Variants in PTPRN2 observed in about 807,000 individuals in gnomAD.
The protein encoded by PTPRN2 is protein tyrosine phosphatase receptor type N2, also known as receptor-type tyrosine-protein phosphatase N2.
In PTPRN2, 74 loss-of-function variants were observed where a neutral mutation model predicts 118.8. The observed-to-expected ratio is 0.62, with a 90% CI of 0.52 to 0.76. PTPRN2 has a LOEUF of 0.76. Ranked by LOEUF, PTPRN2 falls within the 30% of genes least tolerant of loss-of-function variation. The pLI is 0.00. For missense variants in PTPRN2, 1,481 were observed against 1,394.4 expected (o/e 1.06, Z -0.99); for synonymous variants, 641 against 608.0 (o/e 1.05, Z -0.80).
chr7:158,452,386 C>CT, intron 2 of PTPRN2, among the ~76,000 whole-genome samples: 1 of 152,248 alleles, frequency 6.6e-6, no homozygotes, highest in East Asian at 1.9e-4. Flanking sequence ...GAAGCACTGT[C>CT]TCCCCTGCCC....
chr7:158,341,314 AC>A (rs1806720627), intron 2 of PTPRN2, among the ~76,000 whole-genome samples: 1 of 151,672 alleles, frequency 6.6e-6, no homozygotes, highest in Non-Finnish European at 1.5e-5. Context: ...CGTCACTCAC[AC>A]CCACACACGT....
intron 2 of PTPRN2, among the ~76,000 whole-genome samples, chr7:158,319,987 C>T (rs188581302): frequency 1.3e-4 from 4 of 30,236 alleles, no homozygotes; most frequent in African/African-American, 3.0e-4. Context: ...ACACACACAG[C>T]CTCCCTCACA....
At chr7:158,561,820 C>T (rs1354302226) in intron 1 of PTPRN2, among the ~76,000 whole-genome samples, 3 of 152,182 alleles carry the variant, frequency 2.0e-5, no homozygotes, top group African/African-American at 7.2e-5. Flanking sequence ...GGGGACCGTG[C>T]CACCCCCCAC....
At chr7:157,726,455 C>T (rs1799607183) in intron 12 of PTPRN2, among the ~76,000 whole-genome samples, 1 of 152,268 alleles carries the variant, frequency 6.6e-6, no homozygotes, top group South Asian at 2.1e-4. Context: ...GCCAGACCGT[C>T]ACCTCCCACC....
intron 17 of PTPRN2, among the ~76,000 whole-genome samples, chr7:157,589,877 C>T (rs991023724): frequency 3.3e-5 from 5 of 152,212 alleles, no homozygotes; most frequent in South Asian, 2.1e-4. Flanking sequence ...CTGACAGCGG[C>T]GGCGTGGATG....
intron 2 of PTPRN2, among the ~76,000 whole-genome samples, chr7:158,340,807 C>A (rs1251615255): frequency 1.1e-5 from 1 of 87,806 alleles, no homozygotes; most frequent in African/African-American, 4.6e-5. Context: ...GTCACTCACA[C>A]CCACACATGT....
chr7:157,950,624 G>A (rs1186776031), intron 11 of PTPRN2, among the ~76,000 whole-genome samples: 2 of 152,194 alleles, frequency 1.3e-5, no homozygotes, highest in Non-Finnish European at 2.9e-5. Context: ...TGTTATTTGT[G>A]ATTTCTGCTT....
chr7:158,184,675 G>T (rs1824992204), intron 5 of PTPRN2, among the ~76,000 whole-genome samples: 1 of 152,152 alleles, frequency 6.6e-6, no homozygotes, highest in African/African-American at 2.4e-5. Flanking sequence ...AGCCGGGCAT[G>T]GTGGTGGGTG....
intron 2 of PTPRN2, among the ~76,000 whole-genome samples, chr7:158,480,476 T>G (rs1356928146): frequency 1.3e-5 from 2 of 152,184 alleles, no homozygotes; most frequent in Non-Finnish European, 2.9e-5. Context: ...AACCCTACAG[T>G]GGCCTCTAAG....
At position 157,609,534 on chromosome 7, in the gene PTPRN2, C is replaced by G. The variant is rs1337814321; in HGVS notation, c.2345-5459G>C. On this transcript the variant is annotated intron_variant, in intron 15 of 22. Coordinates refer to ENST00000389418, the MANE Select transcript of PTPRN2 (RefSeq NM_002847.5). This position sits in a 1 kb window ranked among gnomAD's most constrained non-coding sequence, Gnocchi z 4.9. ...ACAGGGACTACTTTCCCGTTTTAGGCTGAAGAAACTAAGACTCATAAGGAT... is the reference window on the plus strand; with the variant it reads ...ACAGGGACTACTTTCCCGTTTTAGGGTGAAGAAACTAAGACTCATAAGGAT... 2.6e-5 allele frequency among the ~76,000 whole-genome samples: 4 copies of G among 152,210 alleles called. No homozygotes were observed. The highest frequency in any genetic ancestry group is 5.9e-5 in the Non-Finnish European group (4 of 68,048).
chr7:158,098,652 G>T (rs1814886050), intron 10 of PTPRN2, among the ~76,000 whole-genome samples: 1 of 152,202 alleles, frequency 6.6e-6, no homozygotes, highest in Admixed American at 6.5e-5. Context: ...GCATCTGCCA[G>T]TCCCACCATT....
chr7:158,153,198 A>G (rs774349163), intron 6 of PTPRN2, among the ~76,000 whole-genome samples: 1 of 152,150 alleles, frequency 6.6e-6, no homozygotes, highest in Admixed American at 6.5e-5. Flanking sequence ...CCAGGGGAAA[A>G]TCATCTCCCT....
intron 11 of PTPRN2, among the ~76,000 whole-genome samples, chr7:157,951,835 T>C (rs989262690): frequency 2.0e-5 from 3 of 152,168 alleles, no homozygotes; most frequent in African/African-American, 7.2e-5. Flanking sequence ...AGTCCGGCAG[T>C]GGATGCCAGT....
At chr7:157,984,172 A>T (rs1390626038) in intron 11 of PTPRN2, among the ~76,000 whole-genome samples, 1 of 152,020 alleles carries the variant, frequency 6.6e-6, no homozygotes, top group Non-Finnish European at 1.5e-5. Context: ...TTGTCCAGGT[A>T]ACAATGACCT....
chr7:157,703,967 C>T (rs1280450181), intron 12 of PTPRN2, among the ~76,000 whole-genome samples: 2 of 152,204 alleles, frequency 1.3e-5, no homozygotes. Context: ...GAAGCTCTCA[C>T]TCGCCCAAAG....
At chr7:158,484,346 T>G (rs1471283639) in intron 2 of PTPRN2, among the ~76,000 whole-genome samples, 2 of 152,080 alleles carry the variant, frequency 1.3e-5, no homozygotes, top group African/African-American at 4.8e-5. Context: ...TCTCCTGGAC[T>G]TATTTACTTA....
At chr7:157,680,651 G>A (rs548275718) in intron 13 of PTPRN2, among the ~76,000 whole-genome samples, 36 of 152,188 alleles carry the variant, frequency 2.4e-4, no homozygotes, top group African/African-American at 8.7e-4. Context: ...CTTTCTCACC[G>A]GGAAACAATC....
At chr7:157,699,219 C>T (rs12670189) in intron 12 of PTPRN2, among the ~76,000 whole-genome samples, 5,921 of 152,156 alleles carry the variant, frequency 0.039, 216 homozygotes, top group East Asian at 0.13. Context: ...AGAAAAGTGC[C>T]TATGTATATT....
chr7:158,002,261 C>G (rs944797950), intron 11 of PTPRN2, among the ~76,000 whole-genome samples: 3 of 152,214 alleles, frequency 2.0e-5, no homozygotes, highest in African/African-American at 7.2e-5. Context: ...AGGCTGTGCT[C>G]TGGATGGTCA....
Sources: gnomAD v4.1 joint callset for allele counts (sites outside exome capture counted in the v4.1 genomes callset) on GRCh38, gnomAD v4.1.1 for gene constraint, Gnocchi (gnomAD v3.1) non-coding constraint, MANE v1.5 for transcripts, NCBI Gene and HGNC (gene_info 2026-07-23, HGNC 2026-07-21) for gene names.